The following TENM2 variants were observed in gnomAD, a reference collection of about 807,000 sequenced individuals.
The protein encoded by TENM2 is teneurin transmembrane protein 2.
Under a neutral mutation model 245.2 loss-of-function variants are expected in TENM2, and 52 were observed. That is an observed-to-expected ratio of 0.21 (90% CI 0.17 to 0.27). The LOEUF is 0.27. Among genes scored for constraint, TENM2 ranks in the 10% least tolerant of loss-of-function variants. TENM2 has a pLI of 1.00. For missense variants in TENM2, 3,046 were observed against 3,666.8 expected (o/e 0.83, Z 4.37); for synonymous variants, 1,363 against 1,438.9 (o/e 0.95, Z 1.19).
intron 2 of TENM2, among the ~76,000 whole-genome samples, chr5:167,819,734 T>C (rs898273823): frequency 1.1e-4 from 16 of 152,148 alleles, no homozygotes; most frequent in Non-Finnish European, 1.8e-4. Context: ...AGAAGGGAAA[T>C]GGCGGACTGC....
At chr5:167,321,442 A>AC (rs1561860817) in intron 1 of TENM2, among the ~76,000 whole-genome samples, 2 of 152,074 alleles carry the variant, frequency 1.3e-5, no homozygotes, top group Non-Finnish European at 2.9e-5. Flanking sequence ...GAGTGGAGAC[A>AC]TTTTTCCCCT....
chr5:167,672,995 C>T (rs1214957404), intron 2 of TENM2, among the ~76,000 whole-genome samples: 1 of 151,568 alleles, frequency 6.6e-6, no homozygotes, highest in Non-Finnish European at 1.5e-5. Context: ...GATACCAGCC[C>T]AACCTACCCT....
At chr5:167,439,668 C>T (rs1436990360) in intron 2 of TENM2, among the ~76,000 whole-genome samples, 6 of 152,054 alleles carry the variant, frequency 3.9e-5, no homozygotes, top group African/African-American at 1.2e-4. Flanking sequence ...CATAATAATA[C>T]ACTTTACATA....
intron 2 of TENM2, among the ~76,000 whole-genome samples, chr5:167,875,412 C>T (rs1174947992): frequency 6.6e-6 from 1 of 152,108 alleles, no homozygotes. Flanking sequence ...GTAAGTGTTA[C>T]TATGAGAGTG....
chr5:167,756,830 AC>A (rs1040049617), intron 2 of TENM2, among the ~76,000 whole-genome samples: 1 of 147,180 alleles, frequency 6.8e-6, no homozygotes, highest in Non-Finnish European at 1.5e-5. Context: ...TCCCACTCCC[AC>A]CCCCAGCTTT....
chr5:167,405,796 A>ACACACACACACACACG (rs1561929238), intron 2 of TENM2, among the ~76,000 whole-genome samples: 14 of 151,630 alleles, frequency 9.2e-5, no homozygotes, highest in Non-Finnish European at 1.6e-4. Flanking sequence ...ACACACACAC[A>ACACACACACACACACG]CACGCACACA....
At chr5:167,764,482 C>G (rs1762873083) in intron 2 of TENM2, among the ~76,000 whole-genome samples, 1 of 152,166 alleles carries the variant, frequency 6.6e-6, no homozygotes. Flanking sequence ...CATAGCTTCT[C>G]AAGAAGGAGA....
chr5:167,346,127 G>A (rs1362782988), intron 1 of TENM2, among the ~76,000 whole-genome samples: 1 of 152,140 alleles, frequency 6.6e-6, no homozygotes, highest in Non-Finnish European at 1.5e-5. Context: ...TGAGAACAAA[G>A]TATTTTTATC....
chr5:167,108,400 A>G, the TENM2 span, among the ~76,000 whole-genome samples: 1 of 152,210 alleles, frequency 6.6e-6, no homozygotes, highest in Non-Finnish European at 1.5e-5. Context: ...TGCTAGGATT[A>G]CAGGCGTGAG....
intron 2 of TENM2, among the ~76,000 whole-genome samples, chr5:167,853,289 C>CAAGAAAAAAAA (rs1770760616): frequency 4.1e-5 from 1 of 24,622 alleles, no homozygotes. Context: ...GACTCCGTCT[C>CAAGAAAAAAAA]AAAAAAAAAA....
chr5:167,799,297 T>C (rs545944340), intron 2 of TENM2, among the ~76,000 whole-genome samples: 1 of 152,318 alleles, frequency 6.6e-6, no homozygotes, highest in African/African-American at 2.4e-5. Context: ...AATCGCATGG[T>C]GAAGAAGTTA....
At chr5:167,139,548 A>G in the TENM2 span, among the ~76,000 whole-genome samples, 1 of 152,228 alleles carries the variant, frequency 6.6e-6, no homozygotes, top group Admixed American at 6.5e-5. Context: ...TTTGCCTATA[A>G]TGGTCTTGGT....
chr5:167,089,507 G>A, the TENM2 span, among the ~76,000 whole-genome samples: 2 of 151,944 alleles, frequency 1.3e-5, no homozygotes, highest in Non-Finnish European at 2.9e-5. Context: ...AGAGATTAGG[G>A]GCTCTTTCAA....
intron 2 of TENM2, among the ~76,000 whole-genome samples, chr5:167,796,613 C>CGT (rs111717417): frequency 0.011 from 1,668 of 148,344 alleles, 27 homozygotes; most frequent in African/African-American, 0.033. Context: ...ATTTGGGGTG[C>CGT]GTGTGTGTGT....
intron 7 of TENM2, among the ~76,000 whole-genome samples, chr5:168,065,360 A>G (rs1581201507): frequency 6.6e-6 from 1 of 152,274 alleles, no homozygotes; most frequent in East Asian, 1.9e-4. Flanking sequence ...AAATGTCCAG[A>G]ATGTAGACTC....
At chr5:167,180,171 G>T in the TENM2 span, among the ~76,000 whole-genome samples, 1 of 141,440 alleles carries the variant, frequency 7.1e-6, no homozygotes, top group Admixed American at 7.3e-5. Flanking sequence ...GCAATGGCAT[G>T]ATATCTAGGC....
intron 19 of TENM2, among the ~76,000 whole-genome samples, chr5:168,206,251 C>T (rs1762337429): frequency 6.6e-6 from 1 of 152,196 alleles, no homozygotes; most frequent in African/African-American, 2.4e-5. Context: ...GCTGAGCATT[C>T]TTGGGAGCCA....
chr5:167,188,985 C>A, the TENM2 span, among the ~76,000 whole-genome samples: 1 of 152,056 alleles, frequency 6.6e-6, no homozygotes, highest in Admixed American at 6.6e-5. Context: ...TCCACTGAGG[C>A]TTATTTATTT....
the TENM2 span, among the ~76,000 whole-genome samples, chr5:167,159,223 G>A: frequency 5.3e-5 from 8 of 151,744 alleles, no homozygotes; most frequent in East Asian, 3.9e-4. Flanking sequence ...GATTACAGGC[G>A]TGAGCCACTG....
Sources: allele counts gnomAD v4.1 joint callset (sites outside exome capture counted in the v4.1 genomes callset), GRCh38; gene constraint gnomAD v4.1.1; transcripts MANE v1.5; gene names NCBI Gene and HGNC (gene_info 2026-07-23, HGNC 2026-07-21).